The following PLXNC1 variants were observed in gnomAD, a reference collection of about 807,000 sequenced individuals.
PLXNC1 encodes the protein plexin C1.
A neutral mutation model predicts 178.2 loss-of-function variants in PLXNC1; 75 were observed. The ratio of observed to expected loss-of-function variants is 0.42; its 90% confidence interval spans 0.35 to 0.51. The LOEUF (loss-of-function observed/expected upper bound fraction) is 0.51, where lower values mean the gene tolerates loss of function less well. Ranked by LOEUF, PLXNC1 falls within the 20% of genes least tolerant of loss-of-function variation. The pLI, the probability that PLXNC1 is intolerant of heterozygous loss-of-function variation, is 0.02. For synonymous variants in PLXNC1, 790 were observed against 779.9 expected, an observed-to-expected ratio of 1.01 and a Z score of -0.22; for missense variants, 1,503 against 1,984.4, an observed-to-expected ratio of 0.76 and a Z score of 4.61.
chr12:94,296,909 T>C (rs760498356), intron 24 of PLXNC1, among the ~76,000 whole-genome samples: 3 of 152,158 alleles, frequency 2.0e-5, no homozygotes, highest in Admixed American at 1.3e-4. Flanking sequence ...CTAGGTACAT[T>C]TGTTAAATGA....
chr12:94,251,149 A>G (rs1477062194), intron 14 of PLXNC1, among the ~76,000 whole-genome samples: 2 of 152,186 alleles, frequency 1.3e-5, no homozygotes, highest in East Asian at 3.8e-4. Flanking sequence ...CACTCCTGCA[A>G]CTTAAAACCC....
intron 12 of PLXNC1, among the ~76,000 whole-genome samples, chr12:94,246,907 G>A (rs552348036): frequency 9.9e-5 from 15 of 151,410 alleles, no homozygotes; most frequent in Non-Finnish European, 2.1e-4. Flanking sequence ...CGGGGGTGGG[G>A]GAAAAATAGT....
chr12:94,252,016 AAT>A (rs1491121056), intron 15 of PLXNC1, among the ~76,000 whole-genome samples: 1 of 151,954 alleles, frequency 6.6e-6, no homozygotes, highest in Non-Finnish European at 1.5e-5. Flanking sequence ...CAAAAAACAA[AAT>A]TTTTTTTTAA....
At position 94,298,777 on chromosome 12, in the gene PLXNC1, A is replaced by G; in HGVS notation, c.4220A>G (p.His1407Arg). ...NKKITDPDVV[H>R]IWKTNSLPLR... Reference sequence around the variant, plus strand: ...AAAATCACAGATCCTGACGTCGTACATATTTGGAAAACAAACAGGTGGGAA... The same window carrying G: ...AAAATCACAGATCCTGACGTCGTACGTATTTGGAAAACAAACAGGTGGGAA... The change falls in exon 27 of 31, where the codon CAT becomes CGT. Residue 1407 changes from histidine to arginine, a missense_variant. Physicochemically the swap from His to Arg is conservative, Grantham distance 29. This residue lies in a region of PLXNC1 where 639 missense variants were observed against 979.7 expected (regional missense o/e 0.65). Coordinates refer to ENST00000258526, the MANE Select transcript of PLXNC1 (RefSeq NM_005761.3). The G allele has an allele frequency of 1.9e-6, 3 of 1,610,842 alleles. No individual in the cohort carries two copies. Among genetic ancestry groups the G allele is most frequent in the Non-Finnish European group, 2.5e-6 (3 of 1,179,294 alleles).
At chr12:94,167,264 A>G (rs1392669940) in intron 1 of PLXNC1, among the ~76,000 whole-genome samples, 1 of 152,164 alleles carries the variant, frequency 6.6e-6, no homozygotes, top group African/African-American at 2.4e-5. Flanking sequence ...GTACAGTATT[A>G]AGCACCTACT....
chr12:94,166,083 A>G (rs537296030), intron 1 of PLXNC1, among the ~76,000 whole-genome samples: 4 of 152,238 alleles, frequency 2.6e-5, no homozygotes, highest in South Asian at 2.1e-4. Context: ...GCTTGGCCCA[A>G]CGATAGCTTC....
intron 2 of PLXNC1, among the ~76,000 whole-genome samples, chr12:94,174,958 T>A (rs1173303667): frequency 6.6e-6 from 1 of 152,266 alleles, no homozygotes; most frequent in Admixed American, 6.5e-5. Context: ...GTTCAGACTG[T>A]ATGCTTCTCT....
chr12:94,169,116 T>C lies in PLXNC1; in HGVS notation c.1063-37T>C, dbSNP rs769035747. ...AATGAGAACTATTGTTGTTAAAAAT[T>C]ATTATTATTTTTTTGTGCGTTTGTG... On this transcript the variant is annotated intron_variant, in intron 1 of 30. Transcript: ENST00000258526. The C allele has an allele frequency of 3.8e-6, 6 of 1,568,956 alleles. No individual in the cohort carries two copies. The South Asian group carries it at 6.8e-5, about 18-fold the overall frequency.
chr12:94,282,505 C>A, intron 23 of PLXNC1, 104 bp downstream of exon 23: 1 of 769,006 alleles, frequency 1.3e-6, no homozygotes. Flanking sequence ...CCTGGAATGA[C>A]TTGCAGATCG....
chr12:94,267,198 T>TC (rs1565840818), intron 21 of PLXNC1, among the ~76,000 whole-genome samples: 1 of 152,080 alleles, frequency 6.6e-6, no homozygotes, highest in African/African-American at 2.4e-5. Flanking sequence ...CTCCAGCATT[T>TC]CAGTCATGAG....
chr12:94,179,395 C>A (rs1247898590), intron 2 of PLXNC1, among the ~76,000 whole-genome samples: 1 of 152,082 alleles, frequency 6.6e-6, no homozygotes, highest in East Asian at 1.9e-4. Flanking sequence ...GTAGTGGGTA[C>A]AAATTGTGTT....
chr12:94,224,056 G>A (rs757553690), intron 6 of PLXNC1, among the ~76,000 whole-genome samples, 172 bp from the exon 7 acceptor site: 9 of 152,192 alleles, frequency 5.9e-5, no homozygotes, highest in Non-Finnish European at 1.2e-4. Context: ...TGCCTGATGC[G>A]AATGGCCTAT....
chr12:94,178,402 CA>C (rs1359031456), intron 2 of PLXNC1, among the ~76,000 whole-genome samples: 6 of 152,204 alleles, frequency 3.9e-5, no homozygotes, highest in Non-Finnish European at 5.9e-5. Flanking sequence ...GATACCAGGG[CA>C]GCAGCTTCTC....
chr12:94,295,971 G>A (rs1967882347), intron 24 of PLXNC1, among the ~76,000 whole-genome samples: 1 of 152,158 alleles, frequency 6.6e-6, no homozygotes, highest in South Asian at 2.1e-4. Context: ...ACCTGCACCT[G>A]CCTTCTTCCT....
At chr12:94,229,033 G>A (rs1964021129) in intron 9 of PLXNC1, among the ~76,000 whole-genome samples, 1 of 152,124 alleles carries the variant, frequency 6.6e-6, no homozygotes, top group East Asian at 1.9e-4. Context: ...AGTGCACAAG[G>A]GTTCCAGTTT....
intron 23 of PLXNC1, among the ~76,000 whole-genome samples, chr12:94,286,290 C>A (rs1296812041): frequency 6.6e-6 from 1 of 152,058 alleles, no homozygotes; most frequent in Admixed American, 6.6e-5. Context: ...AACCAGAGAG[C>A]CTGAAGGAAA....
chr12:94,277,573 T>C (rs832509), intron 21 of PLXNC1, among the ~76,000 whole-genome samples: 97,932 of 151,882 alleles, frequency 0.64, 31,657 homozygotes, highest in African/African-American at 0.7. Flanking sequence ...TAGGGATGGG[T>C]TCAGAGGTCA....
chr12:94,285,322 G>A (rs181858226), intron 23 of PLXNC1, among the ~76,000 whole-genome samples: 158 of 152,336 alleles, frequency 1.0e-3, no homozygotes, highest in South Asian at 2.1e-4. Context: ...TTCCCGAGCA[G>A]AGCTTCTTAG....
chr12:94,298,396 A>G (rs761465853), intron 26 of PLXNC1, among the ~76,000 whole-genome samples: 5 of 152,220 alleles, frequency 3.3e-5, no homozygotes, highest in Non-Finnish European at 7.3e-5. Context: ...TGACTAAACA[A>G]TGTTATCAGC....
Sources: gnomAD v4.1 joint callset for allele counts (sites outside exome capture counted in the v4.1 genomes callset) on GRCh38, gnomAD v4.1.1 for gene constraint, gnomAD v4.1.1 regional missense constraint, MANE v1.5 for transcripts, NCBI Gene and HGNC (gene_info 2026-07-23, HGNC 2026-07-21) for gene names.